MAEA: variants seen among roughly 807,000 people sequenced by gnomAD.
MAEA encodes the protein E3 ubiquitin-protein transferase MAEA.
Under a neutral mutation model 46.2 loss-of-function variants are expected in MAEA, and 22 were observed. That is an observed-to-expected ratio of 0.48 (90% confidence interval 0.34 to 0.68). The LOEUF is 0.68. Among genes scored for constraint, MAEA ranks in the 30% least tolerant of loss-of-function variants. The pLI, the probability that MAEA is intolerant of heterozygous loss-of-function variation, is 0.01. For synonymous variants in MAEA, 246 were observed against 222.6 expected, an observed-to-expected ratio of 1.11 and a Z score of -0.94; for missense variants, 393 against 558.1, an observed-to-expected ratio of 0.70 and a Z score of 2.98.
At chr4:1,324,194 A>G (rs924904955) in intron 4 of MAEA, among the ~76,000 whole-genome samples, 14 of 139,736 alleles carry the variant, frequency 1.0e-4, no homozygotes, top group African/African-American at 3.3e-4. Flanking sequence ...TGCCTGGTCA[A>G]TGAGTGTGCC....
At chr4:1,314,815 T>C (rs1736931015) in intron 2 of MAEA, among the ~76,000 whole-genome samples, 1 of 152,194 alleles carries the variant, frequency 6.6e-6, no homozygotes, top group Admixed American at 6.5e-5. Flanking sequence ...CCAAAATTGG[T>C]AGAATGTGCT....
rs200949202 is a variant in MAEA at position 1,320,593 on chromosome 4, CA to C, written c.457-1785del. On this transcript the variant is annotated intron_variant, in intron 3 of 8. Transcript: ENST00000303400. ...TATGAAGGGGCTTCAGAAAAGAAAT[CA>C]AAGCAAACGTGCAAGAAAACGCTAT... Among the ~76,000 whole-genome samples the C allele has an allele frequency of 5.3e-3, 800 of 151,172 alleles. 16 individuals carry two copies. Among genetic ancestry groups the C allele is most frequent in the African/African-American group, 0.019 (762 of 40,900 alleles).
chr4:1,321,271 G>A (rs967001584), intron 3 of MAEA, among the ~76,000 whole-genome samples: 6 of 142,912 alleles, frequency 4.2e-5, no homozygotes, highest in South Asian at 2.4e-4. Flanking sequence ...CAAAGCAAAC[G>A]TGCAAGAAAA....
intron 5 of MAEA, among the ~76,000 whole-genome samples, chr4:1,328,361 G>C (rs1739114528): frequency 1.3e-5 from 2 of 152,246 alleles, no homozygotes; most frequent in South Asian, 4.1e-4. Flanking sequence ...GGCATCGTCA[G>C]GCAGCAGTGG....
intron 1 of MAEA, among the ~76,000 whole-genome samples, chr4:1,290,825 C>T (rs1168996290): frequency 3.3e-5 from 5 of 152,178 alleles, no homozygotes; most frequent in African/African-American, 1.2e-4. Context: ...GGTTGCTGTG[C>T]GTTCCCCCAG....
At chr4:1,328,782 C>A in intron 5 of MAEA, 1 of 1,110,784 alleles carries the variant, frequency 9.0e-7, no homozygotes, top group Non-Finnish European at 1.1e-6. Context: ...CGGGGTCCTG[C>A]TCCGGCTCCT....
At chr4:1,327,564 C>A in intron 4 of MAEA, 63 bp from the exon 5 acceptor site, 1 of 1,191,006 alleles carries the variant, frequency 8.4e-7, no homozygotes, top group Non-Finnish European at 1.3e-6. Flanking sequence ...GCGGGTGCGG[C>A]ACCCGGGCAC....
intron 4 of MAEA, among the ~76,000 whole-genome samples, chr4:1,326,674 G>GGCC (rs1447112021): frequency 1.6e-5 from 2 of 126,662 alleles, no homozygotes; most frequent in Non-Finnish European, 3.2e-5. Flanking sequence ...GCCCCAACTC[G>GGCC]GCCTCTCTCC....
At chr4:1,317,590 G>A (rs1348717065) in intron 3 of MAEA, among the ~76,000 whole-genome samples, 1 of 152,056 alleles carries the variant, frequency 6.6e-6, no homozygotes, top group African/African-American at 2.4e-5. Context: ...GAGGGGAGTG[G>A]CGAGCAGCTG....
In MAEA at chr4:1,311,876, T is replaced by G; in HGVS notation, c.70-103T>G. On this transcript the variant is annotated intron_variant, in intron 1 of 8. Coordinates refer to ENST00000303400, the MANE Select transcript of MAEA (RefSeq NM_001017405.3). The surrounding 1 kb of genome is among the most constrained non-coding windows in gnomAD (Gnocchi z 4.4). ...GAGACCATGAACCTTCTGAGACTTC[T>G]GCCTCTACAAGTGCCATGAGGAGAC... 1 of 993,282 alleles carries G rather than the reference T, an allele frequency of 1.0e-6. No individual in the cohort carries two copies. The highest frequency in any genetic ancestry group is 2.5e-5 in the East Asian group (1 of 40,720). 61.5% of individuals were successfully genotyped at this position (993,282 alleles called of 1,614,324 possible).
chr4:1,294,865 G>A (rs557264592), intron 1 of MAEA, among the ~76,000 whole-genome samples: 74 of 152,012 alleles, frequency 4.9e-4, no homozygotes, highest in African/African-American at 1.6e-3. Flanking sequence ...CAGTGAATGC[G>A]ATATTGTGAG....
intron 1 of MAEA, among the ~76,000 whole-genome samples, chr4:1,291,599 C>A (rs1734115385): frequency 6.6e-6 from 1 of 152,200 alleles, no homozygotes; most frequent in African/African-American, 2.4e-5. Flanking sequence ...TTTCAGCTAA[C>A]ACACAAGAAG....
At chr4:1,330,132 A>G (rs969862448) in intron 5 of MAEA, 39 of 985,282 alleles carry the variant, frequency 4.0e-5, no homozygotes, top group Non-Finnish European at 4.5e-5. Flanking sequence ...ATGAGCTGCT[A>G]GTGATTAACT....
At chr4:1,305,433 A>T (rs7696746) in intron 1 of MAEA, among the ~76,000 whole-genome samples, 1 of 152,286 alleles carries the variant, frequency 6.6e-6, no homozygotes, top group Admixed American at 6.5e-5. Context: ...TTGTTTACCC[A>T]TCCTGGTCAA....
Position 1,290,486 on chromosome 4 carries a change from C to T in MAEA, c.69+504C>T, listed in dbSNP as rs554453429. On this transcript the variant is annotated intron_variant, in intron 1 of 8. Transcript: ENST00000303400. ...GATGGGCGTCACCAAACCTGAAATA[C>T]AGCTCTTGCCGTCCGGCTGCCGGTT... Among the ~76,000 whole-genome samples, 6 of 152,336 alleles carry T rather than the reference C, an allele frequency of 3.9e-5. No homozygotes were observed. In the South Asian group the frequency reaches 8.3e-4, roughly 21 times the overall value.
intron 4 of MAEA, among the ~76,000 whole-genome samples, chr4:1,325,517 T>TGTTA (rs1203765277): frequency 6.6e-6 from 1 of 152,100 alleles, no homozygotes; most frequent in African/African-American, 2.4e-5. Flanking sequence ...GAAAAGCAGG[T>TGTTA]TTGAGGTGTC....
chr4:1,293,054 C>T (rs2108846547), intron 1 of MAEA, among the ~76,000 whole-genome samples: 1 of 152,138 alleles, frequency 6.6e-6, no homozygotes, highest in South Asian at 2.1e-4. Flanking sequence ...CCACCATGCC[C>T]AGCTAATTTT....
chr4:1,317,624 G>T (rs1737462175), intron 3 of MAEA, among the ~76,000 whole-genome samples: 2 of 152,114 alleles, frequency 1.3e-5, no homozygotes, highest in Admixed American at 1.3e-4. Flanking sequence ...GTGAGCGAGT[G>T]AGTCCTCGTG....
At chr4:1,332,229 T>G (rs555102132) in intron 5 of MAEA, 1 of 153,618 alleles carries the variant, frequency 6.5e-6, no homozygotes, top group African/African-American at 2.4e-5. Flanking sequence ...AGTTCTGGTG[T>G]TTTCCGTGGG....
Sources: gnomAD v4.1 joint callset for allele counts (sites outside exome capture counted in the v4.1 genomes callset) on GRCh38, gnomAD v4.1.1 for gene constraint, Gnocchi (gnomAD v3.1) non-coding constraint, MANE v1.5 for transcripts, NCBI Gene and HGNC (gene_info 2026-07-23, HGNC 2026-07-21) for gene names.